The following TRPM3 variants were observed in gnomAD, a reference collection of about 807,000 sequenced individuals.
The protein encoded by TRPM3 is long transient receptor potential channel 3.
Under a neutral mutation model 181.2 loss-of-function variants are expected in TRPM3, and 77 were observed. The observed-to-expected ratio is 0.42, with a 90% CI of 0.35 to 0.51. TRPM3 has a LOEUF of 0.51. Ranked by LOEUF, TRPM3 falls within the 20% of genes least tolerant of loss-of-function variation. The pLI is 0.01. For missense variants in TRPM3, 1,759 were observed against 2,196.7 expected (o/e 0.80, Z 3.98); for synonymous variants, 745 against 796.4 (o/e 0.94, Z 1.09).
At chr9:71,167,796 A>G (rs6560182) in intron 1 of TRPM3, among the ~76,000 whole-genome samples, 61,497 of 151,984 alleles carry the variant, frequency 0.4, 12,729 homozygotes, top group East Asian at 0.52. Context: ...TAATGACAGC[A>G]CAATTTAAAA....
At position 71,394,859 on chromosome 9, in the gene TRPM3, C is replaced by T. The variant is rs532406050; in HGVS notation, c.183+51794G>A. Reference sequence around the variant, plus strand: ...ACCTTCACCTCCTGTTACTTGGCATCATAAACTCTGTGCCTCAAAAGGCCA... The same window carrying T: ...ACCTTCACCTCCTGTTACTTGGCATTATAAACTCTGTGCCTCAAAAGGCCA... On this transcript the variant is annotated intron_variant, in intron 1 of 24. Transcript: ENST00000357533. Among the ~76,000 whole-genome samples the T allele has an allele frequency of 3.3e-5, 5 of 152,348 alleles. No individual in the cohort carries two copies. In the South Asian group the frequency reaches 1.0e-3, roughly 32 times the overall value.
At chr9:70,606,401 C>G (rs2061118848) in intron 19 of TRPM3, among the ~76,000 whole-genome samples, 1 of 152,148 alleles carries the variant, frequency 6.6e-6, no homozygotes, top group Non-Finnish European at 1.5e-5. Context: ...TCATTTTTAG[C>G]CCCTGCCTGT....
chr9:70,747,176 T>C (rs78553260), intron 8 of TRPM3, among the ~76,000 whole-genome samples: 2 of 152,316 alleles, frequency 1.3e-5, no homozygotes, highest in East Asian at 3.9e-4. Context: ...CATAGAATAA[T>C]GAATCAGACA....
intron 1 of TRPM3, among the ~76,000 whole-genome samples, chr9:71,057,111 C>A (rs78793378): frequency 1.1e-3 from 166 of 152,128 alleles, no homozygotes; most frequent in African/African-American, 3.7e-3. Context: ...ATGCCATCTG[C>A]TCATGACCCC....
At chr9:70,971,203 A>G (rs1469839910) in intron 1 of TRPM3, among the ~76,000 whole-genome samples, 2 of 152,136 alleles carry the variant, frequency 1.3e-5, no homozygotes, top group African/African-American at 2.4e-5. Flanking sequence ...AAAAAATCCA[A>G]AGTTTTGTAT....
intron 1 of TRPM3, among the ~76,000 whole-genome samples, chr9:71,109,370 T>C (rs1476311024): frequency 6.6e-6 from 1 of 152,078 alleles, no homozygotes; most frequent in East Asian, 1.9e-4. Context: ...TGCACATAGA[T>C]AACATGCATC....
rs1424122283 is a variant in TRPM3 at position 70,536,042 on chromosome 9, A to G, written c.5071T>C (p.Ser1691Pro). 6.2e-7 allele frequency: 1 copy of G among 1,614,146 alleles called. No individual in the cohort carries two copies. The highest frequency in any genetic ancestry group is 1.1e-5 in the South Asian group (1 of 91,076). Residue 1691 changes from serine (S) to proline (P), a missense_variant, in exon 26 of 26, where the codon TCC (serine) becomes CCC (proline). Ser to Pro is a moderately conservative substitution (Grantham distance 74). Around this residue, in one of 8 missense-constraint regions of TRPM3, gnomAD observed 612 missense variants for 590.0 expected, o/e 1.04. Coordinates refer to ENST00000677713, the MANE Select transcript of TRPM3 (RefSeq NM_001366145.2). ...CTGTCCCCTCGGCCCTCCGGCTTGG[A>G]GGACTTGCTTCTCTGGAAGGGATTT... ...LRNPFQRSKS[S>P]KPEGRGDSLS...
chr9:71,014,470 A>G (rs111845404), intron 1 of TRPM3, among the ~76,000 whole-genome samples: 12 of 152,108 alleles, frequency 7.9e-5, no homozygotes, highest in African/African-American at 2.9e-4. Context: ...GAGAGTGGAA[A>G]ATCTCCTGTC....
intron 1 of TRPM3, among the ~76,000 whole-genome samples, chr9:71,401,979 A>T (rs1051426856): frequency 2.6e-5 from 4 of 152,208 alleles, no homozygotes; most frequent in African/African-American, 7.2e-5. Flanking sequence ...AAGGCATACC[A>T]TGTATTATCA....
At chr9:71,287,079 T>A (rs148234082) in intron 1 of TRPM3, among the ~76,000 whole-genome samples, 11,255 of 142,636 alleles carry the variant, frequency 0.079, 542 homozygotes, top group Admixed American at 0.14. Flanking sequence ...ATATTATATA[T>A]AAATTATATT....
intron 7 of TRPM3, among the ~76,000 whole-genome samples, chr9:70,781,694 G>T (rs2082499953): frequency 6.6e-6 from 1 of 151,984 alleles, no homozygotes; most frequent in South Asian, 2.1e-4. Context: ...GGGCTGTGTG[G>T]CTTTGGACAA....
intron 9 of TRPM3, among the ~76,000 whole-genome samples, chr9:70,663,828 G>T (rs2061448221): frequency 6.6e-6 from 1 of 152,164 alleles, no homozygotes; most frequent in Non-Finnish European, 1.5e-5. Flanking sequence ...CCCTTTACTG[G>T]ATAGCAGTTG....
Position 70,543,631 on chromosome 9 carries a change from T to C in TRPM3, c.3707+5911A>G, listed in dbSNP as rs533093290. Among the ~76,000 whole-genome samples, 4 of 152,284 alleles carry C rather than the reference T, an allele frequency of 2.6e-5. No homozygotes were observed. In the East Asian group the frequency reaches 7.7e-4, roughly 29 times the overall value. ...CTGTGCCTGGCTTTGAATATACTAG[T>C]AATAGCTATGTTTCTGTCACTTTTT... On this transcript the variant is annotated intron_variant, in intron 25 of 25. Coordinates refer to ENST00000677713, the MANE Select transcript of TRPM3 (RefSeq NM_001366145.2).
At chr9:70,876,980 T>G (rs1329880673) in intron 1 of TRPM3, among the ~76,000 whole-genome samples, 1 of 152,082 alleles carries the variant, frequency 6.6e-6, no homozygotes, top group Admixed American at 6.6e-5. Context: ...TACATTATTA[T>G]TAACTAAAAT....
intron 22 of TRPM3, among the ~76,000 whole-genome samples, chr9:70,561,522 C>A (rs1413712604): frequency 6.6e-6 from 1 of 152,174 alleles, no homozygotes; most frequent in Admixed American, 6.5e-5. Flanking sequence ...CCAATATCCT[C>A]TTATAATGGA....
chr9:70,746,502 C>T (rs531157363), intron 8 of TRPM3, among the ~76,000 whole-genome samples: 2 of 152,100 alleles, frequency 1.3e-5, no homozygotes, highest in East Asian at 3.9e-4. Flanking sequence ...AAGGCACAGA[C>T]AATAGCCCTC....
intron 1 of TRPM3, among the ~76,000 whole-genome samples, chr9:71,009,956 A>G (rs149477916): frequency 2.6e-5 from 4 of 152,282 alleles, no homozygotes; most frequent in African/African-American, 7.2e-5. Context: ...TTTTTGACAA[A>G]GGTGCCAGGA....
Position 70,625,284 on chromosome 9 carries a change from C to A in TRPM3, c.1716G>T (p.Leu572=). Residue 572 remains leucine, a synonymous_variant, in exon 14 of 26, where the codon CTG becomes CTT. Coordinates refer to ENST00000677713, the MANE Select transcript of TRPM3 (RefSeq NM_001366145.2). The surrounding 1 kb of genome is among the most constrained non-coding windows in gnomAD (Gnocchi z 4.8). ...CCCCGCCCATCAGGTACTCGATCAC[C>A]AGGCCGATGTCAATCAGGCTGATTC... ...DYRISLIDIG[L]VIEYLMGGAY... is the part of the protein sequence containing the mutation. 1.2e-6 allele frequency: 2 copies of A among 1,614,186 alleles called. No homozygotes were observed. The highest frequency in any genetic ancestry group is 1.7e-6 in the Non-Finnish European group (2 of 1,180,032).
At chr9:71,211,593 G>C (rs943398944) in intron 1 of TRPM3, among the ~76,000 whole-genome samples, 2 of 152,120 alleles carry the variant, frequency 1.3e-5, no homozygotes, top group Non-Finnish European at 2.9e-5. Flanking sequence ...TCTGAAGGCT[G>C]TTTGAGAGAA....
Sources: allele counts gnomAD v4.1 joint callset (sites outside exome capture counted in the v4.1 genomes callset), GRCh38; gene constraint gnomAD v4.1.1; regional missense constraint gnomAD v4.1.1; non-coding constraint Gnocchi (gnomAD v3.1); transcripts MANE v1.5; gene names NCBI Gene and HGNC (gene_info 2026-07-23, HGNC 2026-07-21).